Variants in DLG1 observed in about 807,000 individuals in gnomAD.
DLG1 encodes the protein discs large MAGUK scaffold protein 1, also known as disks large homolog 1.
DLG1 carries 42 observed loss-of-function variants against 123.4 expected under a neutral mutation model. That is an observed-to-expected ratio of 0.34 (90% CI 0.27 to 0.44). The LOEUF (loss-of-function observed/expected upper bound fraction) is 0.44. Among genes scored for constraint, DLG1 ranks in the 20% least tolerant of loss-of-function variants. The pLI, the probability that DLG1 is intolerant of heterozygous loss-of-function variation, is 1.00. For synonymous variants in DLG1, 317 were observed against 356.2 expected, an observed-to-expected ratio of 0.89 and a Z score of 1.24; for missense variants, 942 against 1,082.6, an observed-to-expected ratio of 0.87 and a Z score of 1.82.
intron 5 of DLG1, among the ~76,000 whole-genome samples, chr3:197,179,823 T>C (rs1809160904): frequency 6.6e-6 from 1 of 152,144 alleles, no homozygotes; most frequent in African/African-American, 2.4e-5. Context: ...CAAACAATAT[T>C]TTTTAAAGTG....
At chr3:197,252,806 G>A (rs953770543) in intron 4 of DLG1, among the ~76,000 whole-genome samples, 1 of 152,144 alleles carries the variant, frequency 6.6e-6, no homozygotes, top group African/African-American at 2.4e-5. Flanking sequence ...TGCATCTCAT[G>A]AATGTATTTA....
At position 197,130,509 on chromosome 3, in the gene DLG1, G is replaced by A. The variant is rs372208811; in HGVS notation, c.1165+18C>T. On this transcript the variant is annotated intron_variant, in intron 11 of 24. Coordinates refer to ENST00000667157, the MANE Select transcript of DLG1 (RefSeq NM_001366207.1). ...AGAAGTAAGATAAATTTAAGCAAAC[G>A]TATGCTAACAGACTTACAGTTGGTG... The A allele has an allele frequency of 3.8e-5, 59 of 1,562,440 alleles. No individual in the cohort carries two copies. In the East Asian group the frequency reaches 5.3e-4, roughly 14 times the overall value.
At chr3:197,219,397 C>G (rs1735768124) in intron 4 of DLG1, among the ~76,000 whole-genome samples, 1 of 152,182 alleles carries the variant, frequency 6.6e-6, no homozygotes, top group Non-Finnish European at 1.5e-5. Context: ...AGGATTTGTT[C>G]AAACCTAATT....
rs1432105492 is a variant in DLG1 at position 197,130,687 on chromosome 3, A to G, written c.1021-16T>C. On this transcript the variant is annotated splice_polypyrimidine_tract_variant and intron_variant, in intron 10 of 24. Coordinates refer to ENST00000667157, the MANE Select transcript of DLG1 (RefSeq NM_001366207.1). ...CGTTATTCACCTAAAAAAAGTCCCA[A>G]AAGACATTTATGACATATTCACTTG... 6.3e-7 allele frequency: 1 copy of G among 1,577,670 alleles called. No individual in the cohort carries two copies. Among genetic ancestry groups the G allele is most frequent in the Admixed American group, 1.8e-5 (1 of 56,262 alleles).
intron 3 of DLG1, among the ~76,000 whole-genome samples, chr3:197,290,921 A>AT (rs1302246880): frequency 1.5e-5 from 2 of 130,676 alleles, no homozygotes; most frequent in African/African-American, 6.0e-5. Flanking sequence ...AAAAAAAAAA[A>AT]GTCAGTCTCA....
intron 4 of DLG1, among the ~76,000 whole-genome samples, chr3:197,262,174 C>A (rs1000781009): frequency 2.6e-5 from 4 of 152,046 alleles, no homozygotes; most frequent in African/African-American, 9.7e-5. Context: ...CCAGAAAGAC[C>A]ACGGGATTAG....
chr3:197,127,474 A>T, intron 11 of DLG1, among the ~76,000 whole-genome samples: 1 of 110,888 alleles, frequency 9.0e-6, no homozygotes, highest in Admixed American at 9.5e-5. Context: ...ATATATATAT[A>T]TATATATATA....
chr3:197,188,987 G>A (rs1417825024), intron 5 of DLG1, among the ~76,000 whole-genome samples: 1 of 152,154 alleles, frequency 6.6e-6, no homozygotes, highest in Non-Finnish European at 1.5e-5. Context: ...CGTGGCATCT[G>A]CCACAGTAAC....
intron 3 of DLG1, among the ~76,000 whole-genome samples, chr3:197,286,529 C>G (rs559636628): frequency 3.3e-5 from 5 of 152,232 alleles, no homozygotes; most frequent in African/African-American, 1.2e-4. Flanking sequence ...GGCAATCGCT[C>G]GCCTGCCGCT....
intron 23 of DLG1, among the ~76,000 whole-genome samples, chr3:197,054,101 A>G (rs568437009): frequency 1.3e-5 from 2 of 152,106 alleles, no homozygotes; most frequent in Non-Finnish European, 2.9e-5. Flanking sequence ...GTCTCAAAAA[A>G]CAAACAAACA....
chr3:197,248,670 A>G (rs1219234793), intron 4 of DLG1, among the ~76,000 whole-genome samples: 1 of 152,230 alleles, frequency 6.6e-6, no homozygotes, highest in Non-Finnish European at 1.5e-5. Context: ...AGGACCACAC[A>G]ATCTAAACTG....
chr3:197,291,627 AAAC>A (rs1774975410), intron 3 of DLG1, among the ~76,000 whole-genome samples: 3 of 152,226 alleles, frequency 2.0e-5, no homozygotes, highest in Admixed American at 2.0e-4. Flanking sequence ...CAGTTCTGAA[AAAC>A]AACGATAAAG....
chr3:197,135,146 G>A (rs1162289960), intron 10 of DLG1, among the ~76,000 whole-genome samples: 1 of 152,146 alleles, frequency 6.6e-6, no homozygotes, highest in African/African-American at 2.4e-5. Flanking sequence ...GCCTTCTTGA[G>A]ATCACACAGC....
chr3:197,142,884 C>T, intron 6 of DLG1, 116 bp from the exon 7 acceptor site: 1 of 707,266 alleles, frequency 1.4e-6, no homozygotes, highest in East Asian at 2.8e-5. Context: ...AGTAATCAAA[C>T]ACAATAGCTT....
intron 4 of DLG1, among the ~76,000 whole-genome samples, chr3:197,225,695 T>G (rs1739505882): frequency 6.6e-6 from 1 of 152,230 alleles, no homozygotes; most frequent in South Asian, 2.1e-4. Context: ...ATATCTTAAC[T>G]GTGCACAGAC....
chr3:197,074,877 A>G (rs1022530848), intron 18 of DLG1, among the ~76,000 whole-genome samples: 1 of 152,124 alleles, frequency 6.6e-6, no homozygotes, highest in Non-Finnish European at 1.5e-5. Context: ...TTTAATGTTT[A>G]TTAATGTAGG....
intron 4 of DLG1, among the ~76,000 whole-genome samples, chr3:197,242,058 A>C (rs1341308686): frequency 6.6e-6 from 1 of 152,130 alleles, no homozygotes. Flanking sequence ...CAAGAAACCC[A>C]CTTCACCTAT....
chr3:197,162,337 T>C (rs1192799356), intron 5 of DLG1, among the ~76,000 whole-genome samples: 2 of 152,190 alleles, frequency 1.3e-5, no homozygotes, highest in Admixed American at 6.5e-5. Context: ...AAAAGTTCAC[T>C]GTTTTATCTG....
rs3035903 is a variant in DLG1 at position 197,239,843 on chromosome 3, T to TAAAAAAAA, written c.318+42828_318+42835dup. On this transcript the variant is annotated intron_variant, in intron 4 of 24. Transcript: ENST00000667157. ...GACAGTTCAGGGGCCACAGAAAAGT[T>TAAAAAAAA]AAAAAAAAAAAAAAGAATTCTAGCA... Among the ~76,000 whole-genome samples the TAAAAAAAA allele has an allele frequency of 1.3e-3, 175 of 133,986 alleles. 3 individuals carry two copies. Among genetic ancestry groups the TAAAAAAAA allele is most frequent in the African/African-American group, 3.9e-3 (138 of 34,988 alleles). The allele number at this position is 133,986 out of a possible 152,430, so 87.9% of individuals were successfully genotyped here. A position where few individuals can be genotyped will look rare whatever the true frequency, so the allele number is the denominator to read the frequency against.
Sources: allele counts gnomAD v4.1 joint callset (sites outside exome capture counted in the v4.1 genomes callset), GRCh38; gene constraint gnomAD v4.1.1; transcripts MANE v1.5; gene names NCBI Gene and HGNC (gene_info 2026-07-23, HGNC 2026-07-21).